RBM26: variants seen among roughly 807,000 people sequenced by gnomAD.
RBM26 encodes RNA binding motif protein 26, also known as RNA-binding protein 26.
A neutral mutation model predicts 123.6 loss-of-function variants in RBM26; 30 were observed. That is an observed-to-expected ratio of 0.24 (90% confidence interval 0.18 to 0.33). The LOEUF (loss-of-function observed/expected upper bound fraction) is 0.33. Ranked by LOEUF, RBM26 falls within the 10% of genes least tolerant of loss-of-function variation. The pLI is 1.00. For missense variants in RBM26, 947 were observed against 1,203.6 expected, an observed-to-expected ratio of 0.79 and a Z score of 3.15; for synonymous variants, 400 against 404.4, an observed-to-expected ratio of 0.99 and a Z score of 0.13.
chr13:79,340,912 C>T (rs974803857), intron 18 of RBM26, among the ~76,000 whole-genome samples: 13 of 151,948 alleles, frequency 8.6e-5, no homozygotes, highest in African/African-American at 2.7e-4. Context: ...GGCAGAATTA[C>T]TGCCACTCCT....
Position 79,322,385 on chromosome 13 carries a change from A to G in RBM26, c.2898T>C (p.Ala966=), listed in dbSNP as rs775193531. ...AWNKPVTNIS[A]VETEEVEPDE... ...CAGGCTCAACTTCTTCTGTTTCAAC[A>G]GCTGAAATATTAGTTACTGGTTTAT... The change falls in exon 21 of 22, where the codon GCT becomes GCC. Residue 966 remains alanine (A), a synonymous_variant. Coordinates refer to ENST00000438737, the MANE Select transcript of RBM26 (RefSeq NM_001366735.2). 6 of 1,577,544 alleles carry G rather than the reference A, an allele frequency of 3.8e-6. No individual in the cohort carries two copies. The highest frequency in any genetic ancestry group is 2.8e-5 in the African/African-American group (2 of 72,060).
Position 79,405,815 on chromosome 13 carries a change from C to A in RBM26, c.-41G>T. 7.4e-6 allele frequency: 10 copies of A among 1,350,422 alleles called. No homozygotes were observed. The highest frequency in any genetic ancestry group is 1.0e-5 in the Non-Finnish European group (10 of 998,634). 83.7% of individuals were successfully genotyped at this position (1,350,422 alleles called of 1,614,324 possible). Reference sequence around the variant, plus strand: ...GGCCCGTCACACTCCTCCGCCCGCCCAGGTCGCGGCCGCTACAGCCGCCGC... The same window carrying A: ...GGCCCGTCACACTCCTCCGCCCGCCAAGGTCGCGGCCGCTACAGCCGCCGC... On this transcript the variant is annotated 5_prime_UTR_variant, in exon 1 of 22. Coordinates refer to ENST00000438737, the MANE Select transcript of RBM26 (RefSeq NM_001366735.2).
intron 21 of RBM26, 141 bp downstream of exon 21, chr13:79,322,208 T>C (rs1269753865): frequency 4.3e-6 from 2 of 464,350 alleles, no homozygotes; most frequent in African/African-American, 2.1e-5. Context: ...TTAAAGTTGT[T>C]TGCATTTATC....
rs761123498 is a variant in RBM26, at chr13:79,368,766, G to A, written c.859C>T (p.Pro287Ser). 19 of 1,613,810 alleles carry A rather than the reference G, an allele frequency of 1.2e-5. No homozygotes were observed. The highest frequency in any genetic ancestry group is 1.6e-5 in the Non-Finnish European group (19 of 1,179,902). ...CTACACCGTTTCTTTGGCATGGGTG[G>A]TCTTACGTAAGAGTTATGGTCCACT... is the stretch of plus-strand genomic sequence containing the variant. ...DQVDHNSYVR[P>S]PMPKKRCRDY... The change falls in exon 6 of 22, where the codon CCA (proline) becomes TCA (serine). Residue 287 changes from proline to serine, a missense_variant. Around this residue, in one of 5 missense-constraint regions of RBM26, gnomAD observed 275 missense variants for 361.0 expected, o/e 0.76. Coordinates refer to ENST00000438737, the MANE Select transcript of RBM26 (RefSeq NM_001366735.2).
Position 79,405,786 on chromosome 13 carries a change from C to T in RBM26, c.-12G>A, listed in dbSNP as rs2079483044. 9 of 1,546,776 alleles carry T rather than the reference C, an allele frequency of 5.8e-6. No individual in the cohort carries two copies. The highest frequency in any genetic ancestry group is 2.8e-5 in the African/African-American group (2 of 71,432). On this transcript the variant is annotated 5_prime_UTR_variant, in exon 1 of 22. Coordinates refer to ENST00000438737, the MANE Select transcript of RBM26 (RefSeq NM_001366735.2). Reference sequence around the variant, plus strand: ...ATTTTAGAAACCATCCACAGCGGCCCTAAGGCCCGTCACACTCCTCCGCCC... The same window carrying T: ...ATTTTAGAAACCATCCACAGCGGCCTTAAGGCCCGTCACACTCCTCCGCCC...
intron 17 of RBM26, among the ~76,000 whole-genome samples, chr13:79,341,552 G>A (rs2071380405): frequency 6.6e-6 from 1 of 151,720 alleles, no homozygotes; most frequent in Non-Finnish European, 1.5e-5. Context: ...AGGTGCTAAT[G>A]AGCAATACAG....
chr13:79,373,886 T>C (rs1408715450), intron 3 of RBM26, among the ~76,000 whole-genome samples: 1 of 150,882 alleles, frequency 6.6e-6, no homozygotes, highest in East Asian at 1.9e-4. Flanking sequence ...TTGGAAAATA[T>C]TCTCAGTGCT....
intron 1 of RBM26, among the ~76,000 whole-genome samples, chr13:79,402,243 TAACAA>T (rs1566616874): frequency 6.6e-6 from 1 of 152,060 alleles, no homozygotes; most frequent in Non-Finnish European, 1.5e-5. Context: ...ATCTTTGAGA[TAACAA>T]AACATCAATC....
downstream of RBM26, among the ~76,000 whole-genome samples, chr13:79,315,840 C>A (rs1239039766): frequency 6.6e-6 from 1 of 151,598 alleles, no homozygotes; most frequent in African/African-American, 2.4e-5. Flanking sequence ...TAAGTAGCAA[C>A]TTTGGAAGAT....
chr13:79,336,967 A>G (rs2070522504), intron 19 of RBM26, 135 bp downstream of exon 19: 1 of 819,492 alleles, frequency 1.2e-6, no homozygotes, highest in Non-Finnish European at 1.9e-6. Context: ...TAACAAAAAA[A>G]TTAAAGATTA....
chr13:79,341,012 A>G, intron 18 of RBM26, 111 bp downstream of exon 18: 2 of 593,734 alleles, frequency 3.4e-6, no homozygotes, highest in Admixed American at 3.4e-5. Flanking sequence ...TATGCCAGGG[A>G]TTACCAACAA....
intron 3 of RBM26, among the ~76,000 whole-genome samples, chr13:79,372,576 C>T (rs1048602886): frequency 4.0e-5 from 6 of 150,188 alleles, no homozygotes; most frequent in African/African-American, 9.8e-5. Context: ...AAAAGTCTAA[C>T]ATATATTCAT....
chr13:79,348,392 C>T (rs2072674032), intron 14 of RBM26, among the ~76,000 whole-genome samples: 1 of 151,922 alleles, frequency 6.6e-6, no homozygotes, highest in Non-Finnish European at 1.5e-5. Context: ...TAAAATAATA[C>T]CAGCCACAAT....
At chr13:79,339,365 T>C (rs1392123907) in intron 18 of RBM26, among the ~76,000 whole-genome samples, 1 of 152,124 alleles carries the variant, frequency 6.6e-6, no homozygotes, top group African/African-American at 2.4e-5. Context: ...GTGACCACAG[T>C]TAATAATAAT....
Position 79,322,354 on chromosome 13 carries a change from C to A in RBM26, c.2929G>T (p.Glu977Ter). 1 of 1,556,934 alleles carries A rather than the reference C, an allele frequency of 6.4e-7. No individual in the cohort carries two copies. The highest frequency in any genetic ancestry group is 2.4e-5 in the East Asian group (1 of 42,492). ...VETEEVEPDEEEFQEESLVDD... is the reference protein window; with the variant it reads ...VETEEVEPDE ...GTGGAAAAAAAATAACATACTTCTT[C>A]TTCATCAGGCTCAACTTCTTCTGTT... Residue 977 changes from glutamate to a stop codon, truncating the protein, a stop_gained, in exon 21 of 22, where the codon GAA becomes TAA. Coordinates refer to ENST00000438737, the MANE Select transcript of RBM26 (RefSeq NM_001366735.2). LOFTEE classifies it high-confidence loss of function.
chr13:79,398,334 T>G (rs1453719794), intron 1 of RBM26, among the ~76,000 whole-genome samples: 5 of 152,216 alleles, frequency 3.3e-5, no homozygotes, highest in Non-Finnish European at 7.3e-5. Context: ...TCTCTCAGTT[T>G]AAGCATGTAA....
chr13:79,396,176 T>C (rs1245861123), intron 1 of RBM26, among the ~76,000 whole-genome samples: 4 of 151,952 alleles, frequency 2.6e-5, no homozygotes. Context: ...ACGGTGGCAA[T>C]GGAACAATAT....
chr13:79,317,681 C>A (rs1357307806), downstream of RBM26, among the ~76,000 whole-genome samples: 2 of 151,588 alleles, frequency 1.3e-5, no homozygotes, highest in Non-Finnish European at 3.0e-5. Context: ...AATATTAATG[C>A]CTTACTAAAT....
chr13:79,388,877 T>C (rs928161404), intron 1 of RBM26, among the ~76,000 whole-genome samples: 1 of 152,166 alleles, frequency 6.6e-6, no homozygotes, highest in Non-Finnish European at 1.5e-5. Flanking sequence ...TTACAAAATA[T>C]GTCCAAAAAA....
Sources: allele counts gnomAD v4.1 joint callset (sites outside exome capture counted in the v4.1 genomes callset), GRCh38; gene constraint gnomAD v4.1.1; regional missense constraint gnomAD v4.1.1; transcripts MANE v1.5; gene names NCBI Gene and HGNC (gene_info 2026-07-23, HGNC 2026-07-21).